Variants in LRRC8A observed in about 807,000 individuals in gnomAD.
LRRC8A encodes volume-regulated anion channel subunit LRRC8A.
A neutral mutation model predicts 52.5 loss-of-function variants in LRRC8A; 24 were observed. That is an observed-to-expected ratio of 0.46 (90% CI 0.33 to 0.64). LRRC8A has a LOEUF of 0.64. LRRC8A is among the 30% of genes least tolerant of loss of function. The probability of loss-of-function intolerance (pLI) is 0.02; values close to 1 mark genes in which losing one functional copy is unlikely to be tolerated. For synonymous variants in LRRC8A, 492 were observed against 494.2 expected (o/e 1.00, Z 0.06); for missense variants, 677 against 1,094.7 (o/e 0.62, Z 5.38).
At chr9:128,897,225 AT>A (rs1312132492) in intron 2 of LRRC8A, among the ~76,000 whole-genome samples, 1 of 151,758 alleles carries the variant, frequency 6.6e-6, no homozygotes, top group Non-Finnish European at 1.5e-5. Flanking sequence ...ACAGTCTCTG[AT>A]TTTTCTTTTC....
At chr9:128,894,179 C>A (rs1839732037) in intron 2 of LRRC8A, among the ~76,000 whole-genome samples, 1 of 151,904 alleles carries the variant, frequency 6.6e-6, no homozygotes, top group Non-Finnish European at 1.5e-5. Context: ...CCGTGCCCAG[C>A]CATCATTCTT....
At chr9:128,904,243 G>T (rs1840145301) in intron 2 of LRRC8A, among the ~76,000 whole-genome samples, 1 of 152,118 alleles carries the variant, frequency 6.6e-6, no homozygotes, top group Non-Finnish European at 1.5e-5. Context: ...ATTTGGCCAG[G>T]CATGGTGACT....
At chr9:128,903,495 C>T (rs35944822) in intron 2 of LRRC8A, among the ~76,000 whole-genome samples, 1 of 150,984 alleles carries the variant, frequency 6.6e-6, no homozygotes, top group East Asian at 2.0e-4. Context: ...TCACTGCAAG[C>T]TCCACTTCCC....
chr9:128,904,790 C>T (rs933466845), intron 2 of LRRC8A, among the ~76,000 whole-genome samples: 10 of 151,674 alleles, frequency 6.6e-5, no homozygotes, highest in South Asian at 2.1e-4. Flanking sequence ...GTCAGGAGAA[C>T]GAGACCATCC....
chr9:128,907,520 A>G lies in LRRC8A; in HGVS notation c.356A>G (p.His119Arg), dbSNP rs966725666. 2.5e-6 allele frequency: 4 copies of G among 1,614,142 alleles called. No individual in the cohort carries two copies. Among genetic ancestry groups the G allele is most frequent in the South Asian group, 1.1e-5 (1 of 91,082 alleles). ...GCTGTGTGCTATGAGAACCGACTGC[A>G]CTGGTTTGCCAAGTACTTCCCCTAC... ...VDAVCYENRLHWFAKYFPYLV... is the reference protein window; with the variant it reads ...VDAVCYENRLRWFAKYFPYLV... The change falls in exon 3 of 4, where the codon CAC (histidine) becomes CGC (arginine). Residue 119 changes from histidine (H) to arginine (R), a missense_variant. Physicochemically the swap from His to Arg is conservative, Grantham distance 29. Transcript: ENST00000372600. This position sits in a 1 kb window ranked among gnomAD's most constrained non-coding sequence, Gnocchi z 9.3.
At chr9:128,901,483 C>T (rs1477543724) in intron 2 of LRRC8A, among the ~76,000 whole-genome samples, 1 of 152,080 alleles carries the variant, frequency 6.6e-6, no homozygotes, top group Non-Finnish European at 1.5e-5. Context: ...TTTTTTTACC[C>T]TAGTGTGGTG....
chr9:128,909,160 C>A lies in LRRC8A; in HGVS notation c.1996C>A (p.Arg666Ser). The change falls in exon 3 of 4, where the codon CGC becomes AGC. Residue 666 changes from arginine to serine, a missense_variant. Transcript: ENST00000372600. Reference sequence around the variant, plus strand: ...GATCGGCAACCTCACCAACCTGGAGCGCCTCTACCTGAACCGCAACAAGAT... The same window carrying A: ...GATCGGCAACCTCACCAACCTGGAGAGCCTCTACCTGAACCGCAACAAGAT... ...IQIGNLTNLE[R>S]LYLNRNKIEK... The A allele has an allele frequency of 6.2e-7, 1 of 1,614,160 alleles. No homozygotes were observed. Among genetic ancestry groups the A allele is most frequent in the Non-Finnish European group, 8.5e-7 (1 of 1,180,034 alleles).
At chr9:128,898,039 AGTGTGT>A (rs58876901) in intron 2 of LRRC8A, among the ~76,000 whole-genome samples, 13,670 of 136,224 alleles carry the variant, frequency 0.1, 678 homozygotes, top group East Asian at 0.16. Flanking sequence ...AAGATTGTTC[AGTGTGT>A]GTGTGTGTGT....
chr9:128,890,130 T>TGTG lies in LRRC8A; in HGVS notation c.-9+4009_-9+4010insGTG, dbSNP rs1839548910. 5.9e-4 allele frequency among the ~76,000 whole-genome samples: 76 copies of TGTG among 128,306 alleles called. 1 individual carries two copies. Among genetic ancestry groups the TGTG allele is most frequent in the Admixed American group, 2.3e-3 (26 of 11,506 alleles). The allele number at this position is 128,306 out of a possible 152,430, so 84.2% of individuals were successfully genotyped here. A position where few individuals can be genotyped will look rare whatever the true frequency, so the allele number is the denominator to read the frequency against. The stretch of plus-strand genomic sequence containing the variant: ...ACAGTTGTTTTTTAGTGGCTTCATT[T>TGTG]TGTGTGTGTGTGTGTGTGTGTGTGT... On this transcript the variant is annotated intron_variant, in intron 2 of 3. Transcript: ENST00000372600.
intron 2 of LRRC8A, among the ~76,000 whole-genome samples, chr9:128,893,602 G>A (rs541181533): frequency 3.3e-5 from 5 of 152,172 alleles, no homozygotes; most frequent in Admixed American, 2.0e-4. Flanking sequence ...TGAGTGTTAC[G>A]AGGCAGGGCA....
rs761956981 is a variant in LRRC8A, at chr9:128,907,377, C to G, written c.213C>G (p.Gly71=). The part of the protein sequence containing the change: ...TKDSCNDSFR[G]WAAPGPEPTY... ...ACTCCTGCAATGATTCGTTCCGGGG[C>G]TGGGCAGCCCCTGGCCCGGAGCCCA... Residue 71 remains glycine (G), a synonymous_variant, in exon 3 of 4, where the codon GGC becomes GGG. Coordinates refer to ENST00000372600, the MANE Select transcript of LRRC8A (RefSeq NM_019594.4). The surrounding 1 kb of genome is among the most constrained non-coding windows in gnomAD (Gnocchi z 9.3). 1 of 1,613,506 alleles carries G rather than the reference C, an allele frequency of 6.2e-7. No individual in the cohort carries two copies. Among genetic ancestry groups the G allele is most frequent in the Non-Finnish European group, 8.5e-7 (1 of 1,180,014 alleles).
At chr9:128,885,724 A>G (rs1222254801) in intron 1 of LRRC8A, among the ~76,000 whole-genome samples, 1 of 152,142 alleles carries the variant, frequency 6.6e-6, no homozygotes, top group Non-Finnish European at 1.5e-5. Context: ...CCTGGCTAAC[A>G]TGGGGAAACG....
intron 3 of LRRC8A, among the ~76,000 whole-genome samples, chr9:128,910,057 C>T (rs1180299027): frequency 6.6e-6 from 1 of 152,232 alleles, no homozygotes; most frequent in African/African-American, 2.4e-5. Context: ...GCTGGGGAAG[C>T]CCCCATCCAA....
chr9:128,886,560 C>T (rs972763921), intron 2 of LRRC8A, among the ~76,000 whole-genome samples: 5 of 152,186 alleles, frequency 3.3e-5, no homozygotes, highest in Non-Finnish European at 2.9e-5. Context: ...TCAGAGCCGT[C>T]ATCAGGATTG....
chr9:128,902,252 G>A lies in LRRC8A; in HGVS notation c.-8-4905G>A, dbSNP rs1028383277. Among the ~76,000 whole-genome samples the A allele has an allele frequency of 7.2e-5, 11 of 152,240 alleles. No individual in the cohort carries two copies. Among genetic ancestry groups the A allele is most frequent in the African/African-American group, 2.7e-4 (11 of 41,462 alleles). The stretch of plus-strand genomic sequence containing the variant: ...GCCAAGGGCTGAACAGAGTCCGGAT[G>A]TTCCCAGACCAAGCACGGAGTTGGG... On this transcript the variant is annotated intron_variant, in intron 2 of 3. Transcript: ENST00000372600. This position sits in a 1 kb window ranked among gnomAD's most constrained non-coding sequence, Gnocchi z 4.1.
In LRRC8A at chr9:128,911,206, C is replaced by A. The variant is rs1222140656; in HGVS notation, c.2157+1885C>A. Among the ~76,000 whole-genome samples, 1 of 152,194 alleles carries A rather than the reference C, an allele frequency of 6.6e-6. No homozygotes were observed. The highest frequency in any genetic ancestry group is 1.5e-5 in the Non-Finnish European group (1 of 68,032). The stretch of plus-strand genomic sequence containing the variant: ...CATCACTCAGACTAGATGCTTCAGG[C>A]CCTCCAGATGCCTGCTGGCTTGGAA... On this transcript the variant is annotated intron_variant, in intron 3 of 3. Transcript: ENST00000372600. The surrounding 1 kb of genome is among the most constrained non-coding windows in gnomAD (Gnocchi z 4.9).
chr9:128,893,216 TG>T (rs1051160253), intron 2 of LRRC8A, among the ~76,000 whole-genome samples: 3 of 151,942 alleles, frequency 2.0e-5, no homozygotes, highest in African/African-American at 7.3e-5. Flanking sequence ...CTGCGAGTCC[TG>T]GGGGGTCCTG....
chr9:128,916,183 A>T lies in LRRC8A; in HGVS notation c.2245A>T (p.Arg749Trp). 1 of 1,613,376 alleles carries T rather than the reference A, an allele frequency of 6.2e-7. No homozygotes were observed. The highest frequency in any genetic ancestry group is 8.5e-7 in the Non-Finnish European group (1 of 1,179,976). The change falls in exon 4 of 4, where the codon AGG becomes TGG. Residue 749 changes from arginine to tryptophan, a missense_variant. Physicochemically the swap from Arg to Trp is moderately radical, Grantham distance 101 (BLOSUM62 -3). Around this residue, in one of 4 missense-constraint regions of LRRC8A, gnomAD observed 169 missense variants for 217.6 expected, o/e 0.78. Coordinates refer to ENST00000372600, the MANE Select transcript of LRRC8A (RefSeq NM_019594.4). This position sits in a 1 kb window ranked among gnomAD's most constrained non-coding sequence, Gnocchi z 6.1. ...CAACGTGCTGCAGTCACTGCCCTCC[A>T]GGGTGGGCGAGCTGACCAACCTGAC... ...GNNVLQSLPS[R>W]VGELTNLTQI...
At position 128,915,982 on chromosome 9, in the gene LRRC8A, G is replaced by A; in HGVS notation, c.2158-114G>A. ...TTGGCCCAGATTGTGCTGATGCTGG[G>A]GGCCTGGGGATCAGAAAAGATGCTG... On this transcript the variant is annotated intron_variant, in intron 3 of 3. Transcript: ENST00000372600. 3.9e-6 allele frequency: 5 copies of A among 1,293,478 alleles called. No homozygotes were observed. The South Asian group carries it at 5.6e-5, about 15-fold the overall frequency. 80.1% of individuals were successfully genotyped at this position (1,293,478 alleles called of 1,614,324 possible). A position where few individuals can be genotyped will look rare whatever the true frequency, so the allele number is the denominator to read the frequency against.
Sources: gnomAD v4.1 joint callset for allele counts (sites outside exome capture counted in the v4.1 genomes callset) on GRCh38, gnomAD v4.1.1 for gene constraint, gnomAD v4.1.1 regional missense constraint, Gnocchi (gnomAD v3.1) non-coding constraint, MANE v1.5 for transcripts, NCBI Gene and HGNC (gene_info 2026-07-23, HGNC 2026-07-21) for gene names.